The following GAD1 variants were observed in gnomAD, a reference collection of about 807,000 sequenced individuals.
GAD1 encodes 67 kDa glutamic acid decarboxylase.
GAD1 carries 35 observed loss-of-function variants against 75.2 expected under a neutral mutation model. That is an observed-to-expected ratio of 0.47 (90% CI 0.36 to 0.62). GAD1 has a LOEUF of 0.62. Among genes scored for constraint, GAD1 ranks in the 20% least tolerant of loss-of-function variants. GAD1 has a pLI of 0.00. For missense variants in GAD1, 490 were observed against 758.5 expected (o/e 0.65, Z 4.16); for synonymous variants, 257 against 271.9 (o/e 0.95, Z 0.54).
rs2105799342 is a variant in GAD1 at position 170,845,511 on chromosome 2, G to A, written c.757G>A (p.Ala253Thr). Residue 253 changes from alanine to threonine, a missense_variant, in exon 8 of 17, where the codon GCC (alanine) becomes ACC (threonine). By Grantham distance (58) the Ala-to-Thr change is moderately conservative (BLOSUM62 0). Around this residue, in one of 3 missense-constraint regions of GAD1, gnomAD observed 324 missense variants for 523.9 expected, o/e 0.62. Transcript: ENST00000358196. ...ATATGTCCGCTTGCTGACAGGGGGC[G>A]CCATATCCAACATGTACAGCATCAT... is the stretch of plus-strand genomic sequence containing the variant. ...DGDGIFSPGG[A>T]ISNMYSIMAA... 1.2e-6 allele frequency: 2 copies of A among 1,613,222 alleles called. No homozygotes were observed. Among genetic ancestry groups the A allele is most frequent in the Non-Finnish European group, 1.7e-6 (2 of 1,179,862 alleles).
upstream of GAD1, chr2:170,816,876 T>G (rs1189687669): frequency 6.3e-6 from 1 of 158,594 alleles, no homozygotes; most frequent in Admixed American, 6.5e-5. Context: ...CAGCCGCCTC[T>G]CCGAATCTCT....
chr2:170,837,490 G>C (rs564184906), intron 6 of GAD1, among the ~76,000 whole-genome samples: 2 of 152,316 alleles, frequency 1.3e-5, no homozygotes, highest in East Asian at 3.9e-4. Context: ...GTCCTGTAGG[G>C]TATGGGGTAG....
rs1702625450 is a variant in GAD1 at position 170,846,048 on chromosome 2, T to G, written c.987T>G (p.Leu329=). 1.2e-6 allele frequency: 2 copies of G among 1,613,744 alleles called. No homozygotes were observed. The highest frequency in any genetic ancestry group is 1.3e-5 in the African/African-American group (1 of 74,928). The part of the protein sequence containing the change: ...IIPADFEAKI[L]EAKQKGYVPF... Reference sequence around the variant, plus strand: ...CAGCTGATTTTGAGGCAAAAATTCTTGAAGCCAAACAGAAGGTATGTACTC... The same window carrying G: ...CAGCTGATTTTGAGGCAAAAATTCTGGAAGCCAAACAGAAGGTATGTACTC... The change falls in exon 10 of 17, where the codon CTT becomes CTG. Residue 329 remains leucine, a synonymous_variant. Coordinates refer to ENST00000358196, the MANE Select transcript of GAD1 (RefSeq NM_000817.3).
At chr2:170,844,465 G>A (rs890786604) in intron 7 of GAD1, among the ~76,000 whole-genome samples, 2 of 144,416 alleles carry the variant, frequency 1.4e-5, no homozygotes, top group African/African-American at 5.2e-5. Context: ...CTAGAGTGCA[G>A]TGGTGTGATC....
chr2:170,843,958 C>A, intron 6 of GAD1, 87 bp from the exon 7 acceptor site: 1 of 776,080 alleles, frequency 1.3e-6, no homozygotes, highest in Non-Finnish European at 2.3e-6. Flanking sequence ...AACCCAACTA[C>A]AAATACTAAA....
intron 3 of GAD1, among the ~76,000 whole-genome samples, chr2:170,823,787 G>T (rs1701955514): frequency 6.6e-6 from 1 of 151,886 alleles, no homozygotes; most frequent in Admixed American, 6.6e-5. Context: ...AACTGAGCGA[G>T]CCCTGGGCAG....
Position 170,861,133 on chromosome 2 carries a change from A to C in GAD1, c.*1251A>C, listed in dbSNP as rs1179322548. The C allele has an allele frequency of 6.6e-6, 1 of 152,666 alleles. No individual in the cohort carries two copies. Among genetic ancestry groups the C allele is most frequent in the Non-Finnish European group, 1.5e-5 (1 of 68,040 alleles). The allele number at this position is 152,666 out of a possible 1,614,324, so 9.5% of individuals were successfully genotyped here. A position where few individuals can be genotyped will look rare whatever the true frequency, so the allele number is the denominator to read the frequency against. On this transcript the variant is annotated 3_prime_UTR_variant, in exon 17 of 17. Coordinates refer to ENST00000358196, the MANE Select transcript of GAD1 (RefSeq NM_000817.3). Reference sequence around the variant, plus strand: ...ATATAAATAAATAAAAATATTCTCCATGGAGAATTTGAACAAAATTTTCTT... The same window carrying C: ...ATATAAATAAATAAAAATATTCTCCCTGGAGAATTTGAACAAAATTTTCTT...
chr2:170,852,678 C>T (rs1169265754), intron 12 of GAD1, 36 bp from the exon 13 acceptor site: 2 of 1,585,306 alleles, frequency 1.3e-6, no homozygotes, highest in East Asian at 2.2e-5. Context: ...CTTTCCAACT[C>T]CTGCACCTTC....
chr2:170,843,215 T>G (rs748969132), intron 6 of GAD1, among the ~76,000 whole-genome samples: 7 of 152,366 alleles, frequency 4.6e-5, no homozygotes, highest in Non-Finnish European at 1.0e-4. Flanking sequence ...CAATGACTAG[T>G]CTACCAGACT....
At chr2:170,815,319 A>G (rs1221684975), upstream of GAD1, among the ~76,000 whole-genome samples, 1 of 152,128 alleles carries the variant, frequency 6.6e-6, no homozygotes, top group African/African-American at 2.4e-5. Flanking sequence ...TGTGTCCTTA[A>G]AAAGTGCCGG....
chr2:170,815,641 G>A (rs562677492), upstream of GAD1, among the ~76,000 whole-genome samples: 20 of 152,286 alleles, frequency 1.3e-4, no homozygotes, highest in Admixed American at 3.3e-4. Flanking sequence ...AGAGGGGGAG[G>A]ACCACGGTAA....
At chr2:170,824,716 C>T (rs1021894920) in intron 3 of GAD1, among the ~76,000 whole-genome samples, 4 of 152,204 alleles carry the variant, frequency 2.6e-5, no homozygotes, top group Non-Finnish European at 5.9e-5. Context: ...GGCAGAATCC[C>T]CCAGGGAGAG....
chr2:170,821,958 A>T, intron 2 of GAD1, 129 bp from the exon 3 acceptor site: 3 of 810,626 alleles, frequency 3.7e-6, no homozygotes. Flanking sequence ...AGCTCCTTTC[A>T]GGAAGTAGCT....
At chr2:170,830,151 C>T (rs1373833824) in intron 4 of GAD1, among the ~76,000 whole-genome samples, 2 of 152,170 alleles carry the variant, frequency 1.3e-5, no homozygotes, top group African/African-American at 2.4e-5. Flanking sequence ...TAGGTAGATC[C>T]GCTTCCATCC....
At chr2:170,824,874 C>G (rs1317875190) in intron 3 of GAD1, among the ~76,000 whole-genome samples, 3 of 152,024 alleles carry the variant, frequency 2.0e-5, no homozygotes, top group African/African-American at 7.3e-5. Flanking sequence ...GGGCTTCCAT[C>G]ACTTATCTCT....
chr2:170,859,718 A>G lies in GAD1; in HGVS notation c.1621A>G (p.Lys541Glu), dbSNP rs1157032131. The G allele has an allele frequency of 6.2e-7, 1 of 1,614,072 alleles. No individual in the cohort carries two copies. The highest frequency in any genetic ancestry group is 8.5e-7 in the Non-Finnish European group (1 of 1,180,028). Reference sequence around the variant, plus strand: ...TGTTTTCCATCACAAGGTGGCTCCAAAAATCAAAGCCCTGATGATGGAGTC... The same window carrying G: ...TGTTTTCCATCACAAGGTGGCTCCAGAAATCAAAGCCCTGATGATGGAGTC... ...RREKLHKVAPKIKALMMESGT... is the reference protein window; with the variant it reads ...RREKLHKVAPEIKALMMESGT... The change falls in exon 17 of 17, where the codon AAA becomes GAA. Residue 541 changes from lysine (K) to glutamate (E), a missense_variant. Lys to Glu is a moderately conservative substitution (Grantham distance 56). Transcript: ENST00000358196.
chr2:170,832,664 GCACA>G (rs3049892), intron 5 of GAD1, among the ~76,000 whole-genome samples: 2,286 of 78,932 alleles, frequency 0.029, 26 homozygotes, highest in Non-Finnish European at 0.048. Context: ...GCGCGCGCGC[GCACA>G]CACACACACA....
At chr2:170,830,850 C>A in intron 4 of GAD1, 100 bp from the exon 5 acceptor site, 1 of 1,442,718 alleles carries the variant, frequency 6.9e-7, no homozygotes. Flanking sequence ...AGAATGAAAT[C>A]AGGCCTATAC....
At chr2:170,832,074 C>T (rs766378472) in intron 5 of GAD1, among the ~76,000 whole-genome samples, 4 of 152,126 alleles carry the variant, frequency 2.6e-5, no homozygotes, top group Non-Finnish European at 5.9e-5. Flanking sequence ...CTATTTCATT[C>T]TGATAAATCC....
Sources: gnomAD v4.1 joint callset for allele counts (sites outside exome capture counted in the v4.1 genomes callset) on GRCh38, gnomAD v4.1.1 for gene constraint, gnomAD v4.1.1 regional missense constraint, MANE v1.5 for transcripts, NCBI Gene and HGNC (gene_info 2026-07-23, HGNC 2026-07-21) for gene names.